Variants in RBPJL observed in about 807,000 individuals in gnomAD.
RBPJL encodes the protein recombining binding protein suppressor of hairless-like protein.
Under a neutral mutation model 57.6 loss-of-function variants are expected in RBPJL, and 50 were observed. The observed-to-expected ratio is 0.87, with a 90% CI of 0.69 to 1.10. The LOEUF is 1.10. Among genes scored for constraint, RBPJL ranks in the 50% least tolerant of loss-of-function variants. RBPJL has a pLI of 0.00. For synonymous variants in RBPJL, 303 were observed against 294.4 expected (o/e 1.03, Z -0.30); for missense variants, 684 against 693.7 (o/e 0.99, Z 0.16).
chr20:45,311,116 CAAAA>C (rs34206228), intron 3 of RBPJL, among the ~76,000 whole-genome samples: 1 of 91,490 alleles, frequency 1.1e-5, no homozygotes. Context: ...GACCCTGCCT[CAAAA>C]AAAAAAAAAA....
rs1020921487 is a variant in RBPJL at position 45,314,339 on chromosome 20, C to G, written c.868-74C>G. ...CCTGTGTGGCTATTGGAGTAGCAGA[C>G]AGCCGGCTAGGAGGGCAGCCTCTGG... is the stretch of plus-strand genomic sequence containing the variant. On this transcript the variant is annotated intron_variant, in intron 8 of 11. Coordinates refer to ENST00000343694, the MANE Select transcript of RBPJL (RefSeq NM_014276.4). 3.3e-6 allele frequency: 5 copies of G among 1,528,180 alleles called. No homozygotes were observed. In the African/African-American group the frequency reaches 6.8e-5, roughly 21 times the overall value. 94.7% of individuals were successfully genotyped at this position (1,528,180 alleles called of 1,614,324 possible).
chr20:45,312,379 G>A lies in RBPJL; in HGVS notation c.603G>A (p.Ser201=). 1 of 1,613,828 alleles carries A rather than the reference G, an allele frequency of 6.2e-7. No individual in the cohort carries two copies. The highest frequency in any genetic ancestry group is 8.5e-7 in the Non-Finnish European group (1 of 1,179,930). ...CGAAGCCCTCGCAGAAGAAGCAGTC[G>A]CTGAAAAACACCGATCGTGAGCAGG... ...VISKPSQKKQ[S]LKNTDLCISS... Residue 201 remains serine (S), a synonymous_variant, in exon 6 of 12, where the codon TCG becomes TCA. Coordinates refer to ENST00000343694, the MANE Select transcript of RBPJL (RefSeq NM_014276.4).
intron 4 of RBPJL, 61 bp from the exon 5 acceptor site, chr20:45,311,775 CTAA>C: frequency 6.5e-7 from 1 of 1,533,376 alleles, no homozygotes; most frequent in Non-Finnish European, 8.9e-7. Context: ...GCGGCGAGCG[CTAA>C]GCTTGCCTGG....
chr20:45,316,382 G>C (rs1461598143), intron 10 of RBPJL, 40 bp downstream of exon 10: 1 of 1,609,724 alleles, frequency 6.2e-7, no homozygotes, highest in African/African-American at 1.3e-5. Context: ...GGGGGACCCT[G>C]CCTGCACTGG....
intron 7 of RBPJL, 38 bp downstream of exon 7, chr20:45,313,643 C>T: frequency 6.5e-7 from 1 of 1,544,360 alleles, no homozygotes. Context: ...GGGCACTTCA[C>T]ATGCATTAGC....
intron 2 of RBPJL, 123 bp from the exon 3 acceptor site, chr20:45,309,444 C>T: frequency 9.7e-7 from 1 of 1,032,874 alleles, no homozygotes; most frequent in Non-Finnish European, 1.4e-6. Flanking sequence ...TAGAGCAGCC[C>T]CACCCTCCCA....
Position 45,312,404 on chromosome 20 carries a change from G to A in RBPJL, c.619+9G>A, listed in dbSNP as rs369580117. 1.9e-5 allele frequency: 30 copies of A among 1,609,912 alleles called. No homozygotes were observed. The highest frequency in any genetic ancestry group is 2.3e-5 in the Non-Finnish European group (27 of 1,178,044). The stretch of plus-strand genomic sequence containing the variant: ...GCTGAAAAACACCGATCGTGAGCAG[G>A]GCGGGGCCTGACCCCCGGCCCGGGC... On this transcript the variant is annotated intron_variant, in intron 6 of 11. Coordinates refer to ENST00000343694, the MANE Select transcript of RBPJL (RefSeq NM_014276.4).
intron 3 of RBPJL, among the ~76,000 whole-genome samples, chr20:45,310,967 G>C (rs1254571234): frequency 6.6e-6 from 1 of 151,942 alleles, no homozygotes; most frequent in South Asian, 2.1e-4. Context: ...ACAAAAATTA[G>C]ATGGGTGTGG....
intron 1 of RBPJL, 118 bp downstream of exon 1, chr20:45,307,062 C>T (rs762105607): frequency 5.0e-6 from 3 of 602,254 alleles, no homozygotes; most frequent in Non-Finnish European, 7.5e-6. Flanking sequence ...GGCAGCCCGC[C>T]GAACTGCAAA....
Position 45,314,557 on chromosome 20 carries a change from C to T in RBPJL, c.1012C>T (p.Gln338Ter). The T allele has an allele frequency of 6.2e-7, 1 of 1,612,674 alleles. No individual in the cohort carries two copies. Among genetic ancestry groups the T allele is most frequent in the Non-Finnish European group, 8.5e-7 (1 of 1,178,984 alleles). ...ATGCCTTGCCACAGAGAAGGTGGTG[C>T]AATTTCAGGTAAGAAGCAGAGAATA... ...YLCLATEKVV[Q>*]FQASPCPKEA... is the part of the protein sequence containing the mutation. The change falls in exon 9 of 12, where the codon CAA becomes TAA. Residue 338 changes from glutamine to a stop codon, truncating the protein, a stop_gained. Transcript: ENST00000343694. LOFTEE classifies it high-confidence loss of function.
At chr20:45,309,834 C>T in intron 3 of RBPJL, 142 bp downstream of exon 3, 1 of 1,053,634 alleles carries the variant, frequency 9.5e-7, no homozygotes. Context: ...GGCCTTGACC[C>T]TCAGCCACCA....
In RBPJL at chr20:45,309,691, CGGTA is replaced by C. The variant is rs1987048887; in HGVS notation, c.257+3_257+6del. Reference sequence around the variant, plus strand: ...CCAGAAATCATACGGAAATGAGAAGCGGTAGGTGCCTCCGCAGCCCCTCCCAGGT... The same window carrying C: ...CCAGAAATCATACGGAAATGAGAAGCGGTGCCTCCGCAGCCCCTCCCAGGT... On this transcript the variant is annotated splice_donor_variant and splice_donor_region_variant and coding_sequence_variant and intron_variant, in exon 3 of 12. Coordinates refer to ENST00000343694, the MANE Select transcript of RBPJL (RefSeq NM_014276.4). LOFTEE classifies it high-confidence loss of function. 2 of 1,613,496 alleles carry C rather than the reference CGGTA, an allele frequency of 1.2e-6. No individual in the cohort carries two copies. Among genetic ancestry groups the C allele is most frequent in the East Asian group, 4.5e-5 (2 of 44,816 alleles).
chr20:45,309,492 C>A (rs1483027309), intron 2 of RBPJL, 75 bp from the exon 3 acceptor site: 11 of 1,493,460 alleles, frequency 7.4e-6, no homozygotes, highest in East Asian at 2.4e-5. Context: ...TTTACTCAAC[C>A]TGAGTGCTTG....
chr20:45,312,840 AAAAAAAG>A (rs1987255217), intron 6 of RBPJL, among the ~76,000 whole-genome samples: 1 of 151,458 alleles, frequency 6.6e-6, no homozygotes, highest in East Asian at 1.9e-4. Flanking sequence ...AAAAAAAAAA[AAAAAAAG>A]AAAAAGAAAA....
intron 9 of RBPJL, chr20:45,315,986 A>C: frequency 2.4e-6 from 1 of 408,778 alleles, no homozygotes; most frequent in Non-Finnish European, 4.3e-6. Flanking sequence ...AGAAAGAAGA[A>C]ATCAGCTAGC....
At position 45,313,687 on chromosome 20, in the gene RBPJL, G is replaced by T. The variant is rs1009921700; in HGVS notation, c.757+82G>T. The T allele has an allele frequency of 1.7e-5, 23 of 1,377,352 alleles. No individual in the cohort carries two copies. The Admixed American group carries it at 3.5e-4, about 21-fold the overall frequency. 85.3% of individuals were successfully genotyped at this position (1,377,352 alleles called of 1,614,324 possible). ...CCTCCACCACAACTCCTTAAGGAAG[G>T]TAAACTCTGCCCCATGTGATTAAGG... On this transcript the variant is annotated intron_variant, in intron 7 of 11. Coordinates refer to ENST00000343694, the MANE Select transcript of RBPJL (RefSeq NM_014276.4).
intron 10 of RBPJL, 48 bp downstream of exon 10, chr20:45,316,390 T>G (rs751817068): frequency 3.1e-6 from 5 of 1,605,592 alleles, no homozygotes; most frequent in Non-Finnish European, 3.4e-6. Flanking sequence ...CTGCCTGCAC[T>G]GGGCAGTGGT....
chr20:45,314,018 C>CT lies in RBPJL; in HGVS notation c.758-10dup. 1 of 1,595,800 alleles carries CT rather than the reference C, an allele frequency of 6.3e-7. No homozygotes were observed. The highest frequency in any genetic ancestry group is 8.6e-7 in the Non-Finnish European group (1 of 1,163,554). ...GGGCCGCTGAAAACCTTGTCCCTTG[C>CT]TTTTTTTGTCCCCCAGCTGATGGGC... On this transcript the variant is annotated splice_polypyrimidine_tract_variant and intron_variant, in intron 7 of 11. Coordinates refer to ENST00000343694, the MANE Select transcript of RBPJL (RefSeq NM_014276.4).
chr20:45,310,334 C>T (rs1034690758), intron 3 of RBPJL, among the ~76,000 whole-genome samples: 6 of 152,046 alleles, frequency 3.9e-5, no homozygotes, highest in Non-Finnish European at 7.4e-5. Flanking sequence ...GGGCCGGGCG[C>T]GATGGCTCAC....
Sources: gnomAD v4.1 joint callset for allele counts (sites outside exome capture counted in the v4.1 genomes callset) on GRCh38, gnomAD v4.1.1 for gene constraint, MANE v1.5 for transcripts, NCBI Gene and HGNC (gene_info 2026-07-23, HGNC 2026-07-21) for gene names.